Variants in VAV2 observed in about 807,000 individuals in gnomAD.
VAV2 encodes the protein guanine nucleotide exchange factor VAV2.
Under a neutral mutation model 132.5 loss-of-function variants are expected in VAV2, and 67 were observed. That is an observed-to-expected ratio of 0.51 (90% CI 0.42 to 0.62). The LOEUF (loss-of-function observed/expected upper bound fraction) is 0.62. Among genes scored for constraint, VAV2 ranks in the 20% least tolerant of loss-of-function variants. The probability of loss-of-function intolerance (pLI) is 0.00; values close to 1 mark genes in which losing one functional copy is unlikely to be tolerated. For missense variants in VAV2, 938 were observed against 1,153.6 expected (o/e 0.81, Z 2.71); for synonymous variants, 492 against 443.5 (o/e 1.11, Z -1.37).
chr9:133,874,652 A>G (rs1044567566), intron 2 of VAV2, among the ~76,000 whole-genome samples: 7 of 151,736 alleles, frequency 4.6e-5, no homozygotes, highest in African/African-American at 1.7e-4. Context: ...GGCCTCCCCC[A>G]CACCACCCCA....
At chr9:133,773,337 G>A (rs1486253619) in intron 25 of VAV2, among the ~76,000 whole-genome samples, 1 of 152,206 alleles carries the variant, frequency 6.6e-6, no homozygotes, top group Admixed American at 6.5e-5. Context: ...TGTATGGGGT[G>A]CTTATCATGA....
chr9:133,965,563 GAATA>G (rs925625430), intron 1 of VAV2, among the ~76,000 whole-genome samples: 1 of 150,296 alleles, frequency 6.7e-6, no homozygotes, highest in Non-Finnish European at 1.5e-5. Flanking sequence ...AAATTTCTAG[GAATA>G]AATTTAACCA....
chr9:133,942,298 C>T (rs1841193291), intron 1 of VAV2, among the ~76,000 whole-genome samples: 1 of 152,232 alleles, frequency 6.6e-6, no homozygotes, highest in Non-Finnish European at 1.5e-5. Flanking sequence ...CCACCGTTGC[C>T]AGAAGCGGGA....
In VAV2 at chr9:133,979,067, G is replaced by A. The variant is rs544425086; in HGVS notation, c.204+13008C>T. Among the ~76,000 whole-genome samples the A allele has an allele frequency of 7.9e-5, 12 of 152,322 alleles. No homozygotes were observed. The South Asian group carries it at 1.4e-3, about 18-fold the overall frequency. On this transcript the variant is annotated intron_variant, in intron 1 of 29. Coordinates refer to ENST00000371850, the MANE Select transcript of VAV2 (RefSeq NM_001134398.2). The stretch of plus-strand genomic sequence containing the variant: ...GTCCCGGAGCGCCCACCCCAGCCGC[G>A]TCAAGTGGGCACATGGGGAGGGGCA...
chr9:133,880,979 C>A (rs1049796870), intron 2 of VAV2, among the ~76,000 whole-genome samples: 2 of 152,252 alleles, frequency 1.3e-5, no homozygotes, highest in Non-Finnish European at 2.9e-5. Flanking sequence ...CAGCACAGTC[C>A]CCCCACTGTC....
intron 2 of VAV2, among the ~76,000 whole-genome samples, chr9:133,886,580 G>A (rs1267095427): frequency 6.6e-6 from 1 of 152,186 alleles, no homozygotes; most frequent in African/African-American, 2.4e-5. Context: ...GTTTGCGCCT[G>A]TGTCTGGGGG....
chr9:133,920,620 C>T (rs1450077578), intron 2 of VAV2, among the ~76,000 whole-genome samples: 2 of 152,144 alleles, frequency 1.3e-5, no homozygotes, highest in Admixed American at 6.5e-5. Flanking sequence ...CCTCTGAGCG[C>T]CCCACAGACC....
At chr9:133,808,040 G>T (rs982767813) in intron 7 of VAV2, among the ~76,000 whole-genome samples, 3 of 152,176 alleles carry the variant, frequency 2.0e-5, no homozygotes, top group Non-Finnish European at 4.4e-5. Context: ...AAGCAAACAC[G>T]CCCGGGTGGC....
At chr9:133,829,906 T>C (rs1035201691) in intron 4 of VAV2, among the ~76,000 whole-genome samples, 2 of 152,224 alleles carry the variant, frequency 1.3e-5, no homozygotes, top group Non-Finnish European at 2.9e-5. Flanking sequence ...ACACTCCCCA[T>C]GGGGCCTGGG....
intron 22 of VAV2, among the ~76,000 whole-genome samples, chr9:133,778,034 G>A (rs1199213994): frequency 6.6e-6 from 1 of 152,160 alleles, no homozygotes; most frequent in Admixed American, 6.5e-5. Flanking sequence ...TGGTAGAGGG[G>A]CCGAGGACTG....
chr9:133,860,001 A>C (rs1564412746), intron 3 of VAV2, among the ~76,000 whole-genome samples: 2 of 152,172 alleles, frequency 1.3e-5, no homozygotes, highest in Admixed American at 6.6e-5. Flanking sequence ...CTTAATATTT[A>C]ATTTTAAGAG....
In VAV2 at chr9:133,946,499, G is replaced by A. The variant is rs567996785; in HGVS notation, c.205-7280C>T. ...TCCATGTGCAGCCTCCACGCCCTGC[G>A]GCAAAGGCTCCAGGAAGTACCCACA... On this transcript the variant is annotated intron_variant, in intron 1 of 29. Coordinates refer to ENST00000371850, the MANE Select transcript of VAV2 (RefSeq NM_001134398.2). 5.3e-5 allele frequency among the ~76,000 whole-genome samples: 8 copies of A among 152,322 alleles called. No individual in the cohort carries two copies. The South Asian group carries it at 1.2e-3, about 24-fold the overall frequency.
intron 2 of VAV2, among the ~76,000 whole-genome samples, chr9:133,896,062 G>C (rs1293103329): frequency 1.2e-5 from 1 of 85,462 alleles, no homozygotes; most frequent in African/African-American, 5.3e-5. Context: ...GGTTTTCCTA[G>C]GCAGAGGACC....
At chr9:133,812,691 C>T (rs560081725) in intron 4 of VAV2, among the ~76,000 whole-genome samples, 1 of 152,272 alleles carries the variant, frequency 6.6e-6, no homozygotes, top group East Asian at 1.9e-4. Context: ...TCCTTGGATC[C>T]AAGGTGCAAA....
rs544100264 is a variant in VAV2 at position 133,886,713 on chromosome 9, C to T, written c.322-25281G>A. Among the ~76,000 whole-genome samples, 9 of 152,352 alleles carry T rather than the reference C, an allele frequency of 5.9e-5. No individual in the cohort carries two copies. The South Asian group carries it at 1.9e-3, about 32-fold the overall frequency. ...CATTACACACCCCGCCAAGACCTTC[C>T]TCTTCCGCTGGCAACACCCACGTCC... On this transcript the variant is annotated intron_variant, in intron 2 of 29. Transcript: ENST00000371850.
intron 2 of VAV2, among the ~76,000 whole-genome samples, chr9:133,938,379 C>A (rs1056473924): frequency 6.6e-6 from 1 of 152,188 alleles, no homozygotes; most frequent in African/African-American, 2.4e-5. Context: ...AGCTGCTGGG[C>A]TCTGGAAGGC....
chr9:133,784,997 A>G (rs1011309012), intron 17 of VAV2, among the ~76,000 whole-genome samples: 2 of 152,142 alleles, frequency 1.3e-5, no homozygotes, highest in African/African-American at 4.8e-5. Context: ...GGAGAAAATT[A>G]CAGGCCATGG....
intron 10 of VAV2, among the ~76,000 whole-genome samples, chr9:133,797,055 C>T (rs1030304721): frequency 3.3e-5 from 5 of 152,220 alleles, no homozygotes; most frequent in African/African-American, 4.8e-5. Flanking sequence ...CTGCCTCCAC[C>T]ACTGCTAGAG....
At chr9:133,894,879 T>C (rs1268688526) in intron 2 of VAV2, among the ~76,000 whole-genome samples, 1 of 152,050 alleles carries the variant, frequency 6.6e-6, no homozygotes, top group Non-Finnish European at 1.5e-5. Flanking sequence ...AGCTGAGCAC[T>C]CTGCTAGCCC....
Sources: gnomAD v4.1 joint callset for allele counts (sites outside exome capture counted in the v4.1 genomes callset) on GRCh38, gnomAD v4.1.1 for gene constraint, MANE v1.5 for transcripts, NCBI Gene and HGNC (gene_info 2026-07-23, HGNC 2026-07-21) for gene names.